Variants in NTNG1 observed in about 807,000 individuals in gnomAD.
The protein encoded by NTNG1 is netrin-G1.
A neutral mutation model predicts 54.0 loss-of-function variants in NTNG1; 16 were observed. That is an observed-to-expected ratio of 0.30 (90% CI 0.20 to 0.45). NTNG1 has a LOEUF of 0.45. Among genes scored for constraint, NTNG1 ranks in the 20% least tolerant of loss-of-function variants. The pLI is 1.00. For missense variants in NTNG1, 530 were observed against 678.7 expected (o/e 0.78, Z 2.43); for synonymous variants, 255 against 263.1 (o/e 0.97, Z 0.30).
chr1:107,255,397 A>G (rs1662868603), intron 2 of NTNG1, among the ~76,000 whole-genome samples: 1 of 152,182 alleles, frequency 6.6e-6, no homozygotes, highest in African/African-American at 2.4e-5. Flanking sequence ...TGAGAGGATG[A>G]GAGATGGAGT....
chr1:107,374,566 G>A (rs184381321), intron 3 of NTNG1, among the ~76,000 whole-genome samples: 1 of 151,764 alleles, frequency 6.6e-6, no homozygotes, highest in East Asian at 1.9e-4. Flanking sequence ...TTCAATTTGG[G>A]TCTTTTAAAA....
intron 2 of NTNG1, among the ~76,000 whole-genome samples, chr1:107,212,822 G>A (rs1371452993): frequency 3.9e-5 from 6 of 152,032 alleles, no homozygotes; most frequent in African/African-American, 2.4e-5. Flanking sequence ...AAACTATCGC[G>A]TATTGAGCTC....
intron 2 of NTNG1, among the ~76,000 whole-genome samples, chr1:107,276,222 T>C (rs1319445232): frequency 6.6e-6 from 1 of 152,180 alleles, no homozygotes; most frequent in Non-Finnish European, 1.5e-5. Flanking sequence ...GATTACAGTC[T>C]TTTTTGTGTG....
intron 3 of NTNG1, among the ~76,000 whole-genome samples, chr1:107,386,747 A>C (rs1443326964): frequency 2.0e-5 from 3 of 152,228 alleles, no homozygotes; most frequent in Non-Finnish European, 4.4e-5. Context: ...TTGGATAAAT[A>C]CCTAGATGTA....
chr1:107,376,844 C>T (rs1671304665), intron 3 of NTNG1, among the ~76,000 whole-genome samples: 1 of 152,096 alleles, frequency 6.6e-6, no homozygotes, highest in Admixed American at 6.5e-5. Context: ...TGCAAGTGTC[C>T]CGTCTTCCCC....
chr1:107,193,659 A>G (rs1458766314), intron 2 of NTNG1, among the ~76,000 whole-genome samples: 1 of 151,970 alleles, frequency 6.6e-6, no homozygotes, highest in Non-Finnish European at 1.5e-5. Context: ...GTCCAAGTGA[A>G]GGTTCAGGCA....
chr1:107,174,798 T>G (rs1656515682), intron 2 of NTNG1, among the ~76,000 whole-genome samples: 1 of 152,092 alleles, frequency 6.6e-6, no homozygotes, highest in Admixed American at 6.6e-5. Context: ...GTTGAAAATT[T>G]ATCTTATAAA....
intron 2 of NTNG1, among the ~76,000 whole-genome samples, chr1:107,272,270 C>G (rs1016354870): frequency 6.6e-6 from 1 of 152,028 alleles, no homozygotes; most frequent in African/African-American, 2.4e-5. Flanking sequence ...GTCTCTTTCT[C>G]GAATAATGTT....
At chr1:107,250,628 G>A (rs1662533286) in intron 2 of NTNG1, among the ~76,000 whole-genome samples, 1 of 152,146 alleles carries the variant, frequency 6.6e-6, no homozygotes. Flanking sequence ...GAAGAAGAGA[G>A]AGGGAGAAGC....
At chr1:107,464,986 C>A (rs1028440105) in intron 7 of NTNG1, among the ~76,000 whole-genome samples, 2 of 152,180 alleles carry the variant, frequency 1.3e-5, no homozygotes, top group South Asian at 4.1e-4. Context: ...CACATTCCCC[C>A]TCCTTCTCTG....
At chr1:107,212,232 G>C (rs1418666432) in intron 2 of NTNG1, among the ~76,000 whole-genome samples, 1 of 152,014 alleles carries the variant, frequency 6.6e-6, no homozygotes, top group Non-Finnish European at 1.5e-5. Flanking sequence ...CTATGATATT[G>C]CTATTTTTAT....
chr1:107,287,945 T>A (rs1665305217), intron 2 of NTNG1, among the ~76,000 whole-genome samples: 1 of 152,154 alleles, frequency 6.6e-6, no homozygotes, highest in South Asian at 2.1e-4. Flanking sequence ...CAGCTATCAC[T>A]ATTGGAACCA....
At chr1:107,375,990 A>G (rs957464900) in intron 3 of NTNG1, among the ~76,000 whole-genome samples, 3 of 152,256 alleles carry the variant, frequency 2.0e-5, no homozygotes, top group African/African-American at 7.2e-5. Flanking sequence ...AGTTGCTTCT[A>G]GCTCATATCT....
At chr1:107,336,706 A>T (rs182831031) in intron 3 of NTNG1, among the ~76,000 whole-genome samples, 1 of 152,150 alleles carries the variant, frequency 6.6e-6, no homozygotes, top group Admixed American at 6.6e-5. Context: ...AATGGGTGGG[A>T]ATATTTGTAA....
chr1:107,227,201 A>G (rs1463626434), intron 2 of NTNG1, among the ~76,000 whole-genome samples: 1 of 152,072 alleles, frequency 6.6e-6, no homozygotes, highest in African/African-American at 2.4e-5. Flanking sequence ...TAACAATAAG[A>G]GTACTTACCT....
chr1:107,455,532 CGTAAAAAGT>C, intron 7 of NTNG1: 1 of 432,968 alleles, frequency 2.3e-6, no homozygotes, highest in South Asian at 1.6e-5. Flanking sequence ...TGTTAGTGTG[CGTAAAAAGT>C]AATAAATGCC....
At chr1:107,196,855 A>C (rs1419991917) in intron 2 of NTNG1, among the ~76,000 whole-genome samples, 2 of 151,916 alleles carry the variant, frequency 1.3e-5, no homozygotes, top group Non-Finnish European at 2.9e-5. Flanking sequence ...CTGTATGTGC[A>C]TTCTCCCAAA....
intron 7 of NTNG1, among the ~76,000 whole-genome samples, chr1:107,462,732 T>A (rs958167012): frequency 2.0e-5 from 3 of 152,250 alleles, no homozygotes; most frequent in South Asian, 4.1e-4. Flanking sequence ...GTTTGCCAGA[T>A]GTTTCATATA....
At chr1:107,369,670 A>C (rs1363485158) in intron 3 of NTNG1, among the ~76,000 whole-genome samples, 1 of 152,150 alleles carries the variant, frequency 6.6e-6, no homozygotes, top group Non-Finnish European at 1.5e-5. Flanking sequence ...TATGCTTTGC[A>C]AATATTTTAT....
Sources: gnomAD v4.1 joint callset for allele counts (sites outside exome capture counted in the v4.1 genomes callset) on GRCh38, gnomAD v4.1.1 for gene constraint, MANE v1.5 for transcripts, NCBI Gene and HGNC (gene_info 2026-07-23, HGNC 2026-07-21) for gene names.